CRYBB1: variants seen among roughly 807,000 people sequenced by gnomAD.
CRYBB1 encodes beta-crystallin B1.
In CRYBB1, 16 loss-of-function variants were observed where a neutral mutation model predicts 29.5. That is an observed-to-expected ratio of 0.54 (90% CI 0.37 to 0.82). CRYBB1 has a LOEUF of 0.82. Among genes scored for constraint, CRYBB1 ranks in the 40% least tolerant of loss-of-function variants. The probability of loss-of-function intolerance (pLI) is 0.00; values close to 1 mark genes in which losing one functional copy is unlikely to be tolerated. For missense variants in CRYBB1, 300 were observed against 350.5 expected (o/e 0.86, Z 1.15); for synonymous variants, 127 against 136.7 (o/e 0.93, Z 0.49).
intron 5 of CRYBB1, among the ~76,000 whole-genome samples, chr22:26,600,944 G>C (rs896952379): frequency 1.3e-5 from 2 of 152,222 alleles, no homozygotes; most frequent in African/African-American, 4.8e-5. Flanking sequence ...AGGTATATCT[G>C]GGTTTCCCTG....
At chr22:26,613,950 C>G (rs919038234) in intron 2 of CRYBB1, among the ~76,000 whole-genome samples, 1 of 152,156 alleles carries the variant, frequency 6.6e-6, no homozygotes, top group African/African-American at 2.4e-5. Flanking sequence ...CCCCCCTGGG[C>G]GTGGTCGTCT....
chr22:26,604,729 G>A (rs983239359), intron 4 of CRYBB1, among the ~76,000 whole-genome samples: 1 of 152,230 alleles, frequency 6.6e-6, no homozygotes, highest in Non-Finnish European at 1.5e-5. Flanking sequence ...TGCCAGGCAG[G>A]GATGTAAGCA....
chr22:26,607,159 A>G (rs1929004353), intron 4 of CRYBB1, among the ~76,000 whole-genome samples: 1 of 150,840 alleles, frequency 6.6e-6, no homozygotes, highest in Non-Finnish European at 1.5e-5. Flanking sequence ...AGTAGCTGGG[A>G]TTACAGGCAT....
rs1366337537 is a variant in CRYBB1, at chr22:26,611,457, T to G, written c.299+615A>C. ...CCTCGGTAATGGGCTAGAGTTTGTTTTTTTTTTTTTTGTTTTTTTTTTTTT... is the reference window on the plus strand; with the variant it reads ...CCTCGGTAATGGGCTAGAGTTTGTTGTTTTTTTTTTTGTTTTTTTTTTTTT... On this transcript the variant is annotated intron_variant, in intron 3 of 5. Coordinates refer to ENST00000647684, the MANE Select transcript of CRYBB1 (RefSeq NM_001887.4). Among the ~76,000 whole-genome samples, 29 of 135,164 alleles carry G rather than the reference T, an allele frequency of 2.1e-4. No individual in the cohort carries two copies. The South Asian group carries it at 7.0e-3, about 33-fold the overall frequency. 88.7% of individuals were successfully genotyped at this position (135,164 alleles called of 152,430 possible).
intron 2 of CRYBB1, among the ~76,000 whole-genome samples, chr22:26,612,409 C>A (rs1182227808): frequency 2.0e-5 from 3 of 152,180 alleles, no homozygotes; most frequent in Non-Finnish European, 4.4e-5. Context: ...GTCGCCCCAG[C>A]TGAAGTTCAG....
rs994493074 is a variant in CRYBB1 at position 26,605,751 on chromosome 22, AT to A, written c.432+2137del. 7.4e-3 allele frequency among the ~76,000 whole-genome samples: 614 copies of A among 82,950 alleles called. 1 individual carries two copies. The highest frequency in any genetic ancestry group is 0.017 in the African/African-American group (461 of 26,856). The allele number at this position is 82,950 out of a possible 152,430, so 54.4% of individuals were successfully genotyped here. On this transcript the variant is annotated intron_variant, in intron 4 of 5. Transcript: ENST00000647684. ...GTTCAAGTAGAAGATGGTCAGGTTT[AT>A]TTTTTTTTTTTATTTTGAAAAGATC...
At chr22:26,601,205 A>C (rs1486107373) in intron 5 of CRYBB1, among the ~76,000 whole-genome samples, 1 of 152,212 alleles carries the variant, frequency 6.6e-6, no homozygotes, top group Non-Finnish European at 1.5e-5. Flanking sequence ...GAGGAGATCA[A>C]GGGTGTCTGG....
At position 26,599,406 on chromosome 22, in the gene CRYBB1, G is replaced by A. The variant is rs1928751902; in HGVS notation, c.*84C>T. The A allele has an allele frequency of 1.8e-5, 26 of 1,457,314 alleles. No individual in the cohort carries two copies. The highest frequency in any genetic ancestry group is 2.4e-5 in the Non-Finnish European group (26 of 1,064,166). 90.3% of individuals were successfully genotyped at this position (1,457,314 alleles called of 1,614,324 possible). A position where few individuals can be genotyped will look rare whatever the true frequency, so the allele number is the denominator to read the frequency against. ...GATCCAGGAGAAATTTTGGCTTTAG[G>A]GAATTTTATTTGCCTGGGAAAAATG... On this transcript the variant is annotated 3_prime_UTR_variant, in exon 6 of 6. Coordinates refer to ENST00000647684, the MANE Select transcript of CRYBB1 (RefSeq NM_001887.4).
At position 26,616,139 on chromosome 22, in the gene CRYBB1, C is replaced by T; in HGVS notation, c.180+1G>A. 1 of 1,613,844 alleles carries T rather than the reference C, an allele frequency of 6.2e-7. No homozygotes were observed. Among genetic ancestry groups the T allele is most frequent in the Non-Finnish European group, 8.5e-7 (1 of 1,179,724 alleles). On this transcript the variant is annotated splice_donor_variant, in intron 2 of 5. Coordinates refer to ENST00000647684, the MANE Select transcript of CRYBB1 (RefSeq NM_001887.4). LOFTEE classifies it high-confidence loss of function. ...CAGCCACTGCACCCCCAGGTCCTTA[C>T]CCTGTAGTTCCCAGGAGGCAGTTCC...
intron 2 of CRYBB1, among the ~76,000 whole-genome samples, chr22:26,615,671 G>A (rs1459044827): frequency 1.3e-5 from 2 of 151,934 alleles, no homozygotes; most frequent in East Asian, 1.9e-4. Flanking sequence ...CCACCACTAC[G>A]CCTGGCTAAT....
intron 5 of CRYBB1, among the ~76,000 whole-genome samples, chr22:26,601,384 T>C (rs1050531385): frequency 3.9e-5 from 6 of 152,096 alleles, no homozygotes; most frequent in Non-Finnish European, 8.8e-5. Flanking sequence ...GCCCATTGCC[T>C]AGCTGGCAAG....
intron 4 of CRYBB1, among the ~76,000 whole-genome samples, chr22:26,603,050 A>G (rs1272189992): frequency 1.4e-5 from 2 of 147,796 alleles, no homozygotes; most frequent in African/African-American, 2.5e-5. Flanking sequence ...GCGTGAACCC[A>G]GGAGGCAGAG....
chr22:26,613,473 A>G (rs1323405928), intron 2 of CRYBB1, among the ~76,000 whole-genome samples: 3 of 152,252 alleles, frequency 2.0e-5, no homozygotes, highest in Non-Finnish European at 2.9e-5. Flanking sequence ...GATTTCATGG[A>G]CATTTATTAG....
chr22:26,609,031 C>CA lies in CRYBB1; in HGVS notation c.300-1011dup, dbSNP rs1660619272. On this transcript the variant is annotated intron_variant, in intron 3 of 5. Coordinates refer to ENST00000647684, the MANE Select transcript of CRYBB1 (RefSeq NM_001887.4). ...GGCAGTGCAGGTGGGGTAGATAAGACAATCCCCATTCCGTAGATGAGAAAG... is the reference window on the plus strand; with the variant it reads ...GGCAGTGCAGGTGGGGTAGATAAGACAAATCCCCATTCCGTAGATGAGAAAG... Among the ~76,000 whole-genome samples the CA allele has an allele frequency of 2.6e-5, 4 of 152,152 alleles. 1 individual carries two copies. The South Asian group carries it at 8.3e-4, about 32-fold the overall frequency.
intron 3 of CRYBB1, among the ~76,000 whole-genome samples, chr22:26,610,305 C>A (rs1041962017): frequency 1.5e-4 from 23 of 152,086 alleles, no homozygotes; most frequent in Admixed American, 1.3e-4. Context: ...GGCAGGCAGG[C>A]CTCCTCACTT....
chr22:26,604,916 G>A (rs1238737982), intron 4 of CRYBB1, among the ~76,000 whole-genome samples: 1 of 152,070 alleles, frequency 6.6e-6, no homozygotes, highest in Non-Finnish European at 1.5e-5. Flanking sequence ...CCACCTATGA[G>A]ACCCTACAAG....
At position 26,599,554 on chromosome 22, in the gene CRYBB1, AGGC is replaced by A; in HGVS notation, c.692_694del (p.Arg231del). On this transcript the variant is annotated inframe_deletion, in exon 6 of 6. Transcript: ENST00000647684. ...CTCGAGGTGCCACTGCTTGTCACGC[AGGC>A]GACGCAGGGACTGCATCTGTGGCTG... 1 of 1,614,174 alleles carries A rather than the reference AGGC, an allele frequency of 6.2e-7. No individual in the cohort carries two copies. The highest frequency in any genetic ancestry group is 8.5e-7 in the Non-Finnish European group (1 of 1,180,038).
intron 2 of CRYBB1, among the ~76,000 whole-genome samples, chr22:26,615,371 CT>C (rs67611588): frequency 0.021 from 3,115 of 151,708 alleles, 91 homozygotes; most frequent in African/African-American, 0.071. Context: ...TCCTTTTCTT[CT>C]TTTTTTTTCT....
chr22:26,612,222 G>A (rs1283570648), intron 2 of CRYBB1, 32 bp from the exon 3 acceptor site: 1 of 1,454,720 alleles, frequency 6.9e-7, no homozygotes, highest in East Asian at 2.3e-5. Context: ...GCCAAGGGCA[G>A]AGTGAGGGGG....
Sources: allele counts gnomAD v4.1 joint callset (sites outside exome capture counted in the v4.1 genomes callset), GRCh38; gene constraint gnomAD v4.1.1; transcripts MANE v1.5; gene names NCBI Gene and HGNC (gene_info 2026-07-23, HGNC 2026-07-21).